Variants in GRXCR1 observed in about 807,000 individuals in gnomAD.
GRXCR1 encodes glutaredoxin and cysteine rich domain containing 1.
A neutral mutation model predicts 27.3 loss-of-function variants in GRXCR1; 27 were observed. That is an observed-to-expected ratio of 0.99 (90% confidence interval 0.73 to 1.37). The LOEUF is 1.37. Among genes scored for constraint, GRXCR1 ranks in the 40% most tolerant of loss-of-function variants. The pLI is 0.00. For synonymous variants in GRXCR1, 122 were observed against 131.1 expected, an observed-to-expected ratio of 0.93 and a Z score of 0.47; for missense variants, 379 against 354.4, an observed-to-expected ratio of 1.07 and a Z score of -0.56.
intron 1 of GRXCR1, among the ~76,000 whole-genome samples, chr4:42,917,536 T>A (rs1249275114): frequency 3.3e-5 from 5 of 152,134 alleles, no homozygotes; most frequent in Non-Finnish European, 7.4e-5. Flanking sequence ...ATGATCTCTC[T>A]CCCTTACATA....
chr4:43,000,495 A>G (rs111337908), intron 2 of GRXCR1, among the ~76,000 whole-genome samples: 28,919 of 148,618 alleles, frequency 0.19, 3,573 homozygotes, highest in Middle Eastern at 0.28. Context: ...AAAAAAAAAA[A>G]AAGAAGGCAT....
At chr4:43,002,194 C>T (rs1311205745) in intron 2 of GRXCR1, among the ~76,000 whole-genome samples, 3 of 152,292 alleles carry the variant, frequency 2.0e-5, no homozygotes, top group Admixed American at 6.5e-5. Context: ...TACTAATCCA[C>T]CTCAGCACAG....
At chr4:43,025,541 G>T (rs963175040) in intron 3 of GRXCR1, among the ~76,000 whole-genome samples, 1 of 152,178 alleles carries the variant, frequency 6.6e-6, no homozygotes, top group Non-Finnish European at 1.5e-5. Flanking sequence ...AAAGTGACTT[G>T]TCTCAACCCA....
At chr4:43,026,981 TC>T (rs1408425686) in intron 3 of GRXCR1, among the ~76,000 whole-genome samples, 1 of 152,182 alleles carries the variant, frequency 6.6e-6, no homozygotes. Context: ...ACATTTACTC[TC>T]CCTTTCTTAC....
intron 1 of GRXCR1, among the ~76,000 whole-genome samples, chr4:42,930,405 G>T (rs146404206): frequency 1.1e-4 from 16 of 152,062 alleles, no homozygotes; most frequent in Non-Finnish European, 2.1e-4. Context: ...CAATGGGTCT[G>T]TCTTTGAATA....
At chr4:43,025,373 TA>T (rs1444880805) in intron 3 of GRXCR1, among the ~76,000 whole-genome samples, 1 of 152,220 alleles carries the variant, frequency 6.6e-6, no homozygotes, top group Admixed American at 6.5e-5. Context: ...AGTGCCTGGC[TA>T]GTGAATACTC....
Position 42,899,274 on chromosome 4 carries a change from A to G in GRXCR1, c.384+5624A>G, listed in dbSNP as rs952583440. ...CCATTCTTTCTTTTGATCATTTTCA[A>G]TCATTCATTAATAACTATTTACTGC... On this transcript the variant is annotated intron_variant, in intron 1 of 3. Transcript: ENST00000399770. Among the ~76,000 whole-genome samples, 75 of 152,210 alleles carry G rather than the reference A, an allele frequency of 4.9e-4. No individual in the cohort carries two copies. The Middle Eastern group carries it at 0.014, about 28-fold the overall frequency.
chr4:42,946,638 A>T (rs1419382605), intron 1 of GRXCR1, among the ~76,000 whole-genome samples: 1 of 152,194 alleles, frequency 6.6e-6, no homozygotes, highest in Non-Finnish European at 1.5e-5. Context: ...TTTTCCTCAT[A>T]GATGGGAACT....
At chr4:43,024,766 G>A (rs867012198) in intron 3 of GRXCR1, among the ~76,000 whole-genome samples, 18 of 152,114 alleles carry the variant, frequency 1.2e-4, no homozygotes, top group African/African-American at 4.1e-4. Context: ...GCATTTAAGA[G>A]TTTGCTGAAT....
At chr4:42,974,810 C>T (rs1006791464) in intron 2 of GRXCR1, among the ~76,000 whole-genome samples, 6 of 152,076 alleles carry the variant, frequency 3.9e-5, no homozygotes, top group Non-Finnish European at 7.4e-5. Flanking sequence ...TGTTCCTGTC[C>T]ATTGGCTTAG....
At chr4:43,004,692 G>C (rs1294043050) in intron 2 of GRXCR1, among the ~76,000 whole-genome samples, 2 of 152,114 alleles carry the variant, frequency 1.3e-5, no homozygotes, top group African/African-American at 4.8e-5. Flanking sequence ...ACTTGAATGG[G>C]GCCTATAGCC....
chr4:43,028,464 A>T (rs1318035845), intron 3 of GRXCR1, among the ~76,000 whole-genome samples: 1 of 152,216 alleles, frequency 6.6e-6, no homozygotes, highest in Admixed American at 6.5e-5. Context: ...GGCTGGACTC[A>T]GGGTCCCTGC....
At chr4:43,003,905 G>A (rs1164057256) in intron 2 of GRXCR1, among the ~76,000 whole-genome samples, 2 of 152,232 alleles carry the variant, frequency 1.3e-5, no homozygotes, top group Non-Finnish European at 2.9e-5. Flanking sequence ...GAAAATAAAA[G>A]CTGGCTGCAG....
chr4:42,927,353 A>C (rs1310040432), intron 1 of GRXCR1, among the ~76,000 whole-genome samples: 2 of 151,974 alleles, frequency 1.3e-5, no homozygotes, highest in African/African-American at 4.8e-5. Flanking sequence ...AACAAGGCCA[A>C]ATTCAAGGAG....
chr4:43,011,293 A>G (rs1183341493), intron 2 of GRXCR1, among the ~76,000 whole-genome samples: 1 of 152,120 alleles, frequency 6.6e-6, no homozygotes, highest in Non-Finnish European at 1.5e-5. Flanking sequence ...AACTTTATAG[A>G]CTGAATCACA....
rs148253766 is a variant in GRXCR1 at position 42,981,484 on chromosome 4, A to G, written c.627+18350A>G. Among the ~76,000 whole-genome samples, 497 of 152,310 alleles carry G rather than the reference A, an allele frequency of 3.3e-3. 5 individuals carry two copies. Among genetic ancestry groups the G allele is most frequent in the African/African-American group, 1.0e-2 (415 of 41,580 alleles). On this transcript the variant is annotated intron_variant, in intron 2 of 3. Transcript: ENST00000399770. ...AGATATAAGTGATGTACAAACCACCATTACGGTATTAGAATATCTGAATTT... is the reference window on the plus strand; with the variant it reads ...AGATATAAGTGATGTACAAACCACCGTTACGGTATTAGAATATCTGAATTT...
At chr4:42,970,598 G>A (rs576160671) in intron 2 of GRXCR1, among the ~76,000 whole-genome samples, 1 of 152,256 alleles carries the variant, frequency 6.6e-6, no homozygotes, top group East Asian at 1.9e-4. Flanking sequence ...GCTGGAGCTG[G>A]AGTTGCTGGG....
intron 2 of GRXCR1, among the ~76,000 whole-genome samples, chr4:42,987,277 T>TATATATATATATAGAG (rs1553943958): frequency 9.6e-6 from 1 of 104,272 alleles, no homozygotes; most frequent in Non-Finnish European, 1.9e-5. Context: ...TATATATATA[T>TATATATATATATAGAG]AGAGAGAGAG....
intron 2 of GRXCR1, among the ~76,000 whole-genome samples, chr4:42,973,777 G>T (rs750169070): frequency 6.6e-6 from 1 of 152,116 alleles, no homozygotes; most frequent in Non-Finnish European, 1.5e-5. Context: ...TGATGGATAG[G>T]TTATTTGATC....
Sources: allele counts gnomAD v4.1 joint callset (sites outside exome capture counted in the v4.1 genomes callset), GRCh38; gene constraint gnomAD v4.1.1; transcripts MANE v1.5; gene names NCBI Gene and HGNC (gene_info 2026-07-23, HGNC 2026-07-21).